CALN1: variants seen among roughly 807,000 people sequenced by gnomAD.
CALN1 encodes calcium-binding protein 8.
CALN1 carries 17 observed loss-of-function variants against 30.6 expected under a neutral mutation model. That is an observed-to-expected ratio of 0.56 (90% CI 0.38 to 0.83). The LOEUF (loss-of-function observed/expected upper bound fraction) is 0.83. Ranked by LOEUF, CALN1 falls within the 40% of genes least tolerant of loss-of-function variation. The pLI is 0.00. For missense variants in CALN1, 291 were observed against 354.9 expected (o/e 0.82, Z 1.45); for synonymous variants, 156 against 131.4 (o/e 1.19, Z -1.28).
intron 5 of CALN1, among the ~76,000 whole-genome samples, chr7:71,939,733 C>T (rs1340531007): frequency 2.0e-5 from 3 of 152,024 alleles, no homozygotes; most frequent in Non-Finnish European, 4.4e-5. Flanking sequence ...TCTGAGACAC[C>T]TCTTTATATC....
chr7:71,972,594 G>A (rs1242511624), intron 5 of CALN1, among the ~76,000 whole-genome samples: 1 of 152,156 alleles, frequency 6.6e-6, no homozygotes, highest in Admixed American at 6.5e-5. Context: ...AATGATGTCA[G>A]ACAAAGCTGT....
rs529900635 is a variant in CALN1, at chr7:71,946,246, A to G, written c.501+77411T>C. 2.6e-5 allele frequency among the ~76,000 whole-genome samples: 4 copies of G among 152,208 alleles called. No individual in the cohort carries two copies. The South Asian group carries it at 8.3e-4, about 32-fold the overall frequency. On this transcript the variant is annotated intron_variant, in intron 5 of 6. Transcript: ENST00000395275. ...AATCAGAATATCTTCATACATTTCT[A>G]TTTTTGTCTGTTTCCCAAGACCCTG...
At chr7:72,237,593 C>T (rs573230837) in intron 3 of CALN1, among the ~76,000 whole-genome samples, 1 of 152,310 alleles carries the variant, frequency 6.6e-6, no homozygotes, top group East Asian at 1.9e-4. Context: ...GTCTTCACTG[C>T]CTGTTAGAGC....
At chr7:72,290,783 C>A (rs1013199705) in intron 2 of CALN1, among the ~76,000 whole-genome samples, 5 of 152,108 alleles carry the variant, frequency 3.3e-5, no homozygotes, top group Non-Finnish European at 5.9e-5. Flanking sequence ...GGTGGTTGAA[C>A]CTGTCTACTG....
chr7:72,078,016 T>C (rs1804868124), intron 4 of CALN1, among the ~76,000 whole-genome samples: 1 of 152,208 alleles, frequency 6.6e-6, no homozygotes, highest in Non-Finnish European at 1.5e-5. Context: ...CACAGGTCTA[T>C]GTCTGGAAGG....
chr7:72,336,352 G>A (rs1802035826), intron 2 of CALN1, among the ~76,000 whole-genome samples: 1 of 152,120 alleles, frequency 6.6e-6, no homozygotes, highest in African/African-American at 2.4e-5. Context: ...CAGCCTGGTG[G>A]CCACTGGCGC....
At chr7:71,907,379 TGGG>T (rs1794198474) in intron 5 of CALN1, among the ~76,000 whole-genome samples, 1 of 151,960 alleles carries the variant, frequency 6.6e-6, no homozygotes, top group African/African-American at 2.4e-5. Context: ...AAGGACAAAT[TGGG>T]GGCCATGTGC....
chr7:71,972,177 A>ATC (rs1391621869), intron 5 of CALN1, among the ~76,000 whole-genome samples: 3 of 152,126 alleles, frequency 2.0e-5, no homozygotes, highest in Admixed American at 2.0e-4. Context: ...TTAAATTTGC[A>ATC]TCTCTCTCTG....
chr7:72,037,855 T>C (rs1562999160), intron 4 of CALN1, among the ~76,000 whole-genome samples: 1 of 152,244 alleles, frequency 6.6e-6, no homozygotes, highest in Non-Finnish European at 1.5e-5. Context: ...CCTGGGCCTG[T>C]GTAGTCACTT....
At chr7:72,113,777 ACTTTT>A (rs1807744039) in intron 3 of CALN1, among the ~76,000 whole-genome samples, 2 of 152,174 alleles carry the variant, frequency 1.3e-5, no homozygotes, top group African/African-American at 4.8e-5. Flanking sequence ...TATACTCCGG[ACTTTT>A]CTTTTTAAAG....
intron 3 of CALN1, among the ~76,000 whole-genome samples, chr7:72,260,368 T>C (rs1796184510): frequency 6.6e-6 from 1 of 152,168 alleles, no homozygotes; most frequent in African/African-American, 2.4e-5. Context: ...ATCTGTCTTC[T>C]CTCCAGAAAA....
At chr7:72,422,588 C>T (rs1291199755) in intron 1 of CALN1, among the ~76,000 whole-genome samples, 1 of 152,216 alleles carries the variant, frequency 6.6e-6, no homozygotes, top group Non-Finnish European at 1.5e-5. Context: ...TCGTCCTCCG[C>T]AAGTGCTTCC....
At chr7:72,413,675 A>C (rs1319358655), upstream of CALN1, among the ~76,000 whole-genome samples, 1 of 152,024 alleles carries the variant, frequency 6.6e-6, no homozygotes, top group Non-Finnish European at 1.5e-5. Context: ...ACACTCATAC[A>C]CATATACATT....
At chr7:71,936,399 C>CAAAA (rs745646988) in intron 5 of CALN1, among the ~76,000 whole-genome samples, 46 of 74,662 alleles carry the variant, frequency 6.2e-4, no homozygotes, top group African/African-American at 1.8e-3. Context: ...GACTCAGTCT[C>CAAAA]AAAAAAAAAA....
At chr7:72,341,065 G>A (rs1802359459) in intron 2 of CALN1, among the ~76,000 whole-genome samples, 1 of 152,168 alleles carries the variant, frequency 6.6e-6, no homozygotes, top group Non-Finnish European at 1.5e-5. Context: ...ATATTTACAG[G>A]GGTTTCCACA....
the CALN1 span, among the ~76,000 whole-genome samples, chr7:72,490,765 A>G: frequency 6.6e-6 from 1 of 152,126 alleles, no homozygotes; most frequent in Non-Finnish European, 1.5e-5. Flanking sequence ...TTCCACCATG[A>G]TTGTAAGCTT....
At chr7:72,331,390 A>G (rs1801667277) in intron 2 of CALN1, among the ~76,000 whole-genome samples, 1 of 152,124 alleles carries the variant, frequency 6.6e-6, no homozygotes, top group Admixed American at 6.5e-5. Flanking sequence ...AGGAGGAGGA[A>G]AACAGTCTCT....
chr7:71,812,693 T>C (rs944618431), intron 5 of CALN1, among the ~76,000 whole-genome samples: 18 of 152,106 alleles, frequency 1.2e-4, no homozygotes, highest in African/African-American at 4.3e-4. Context: ...TTTCTCGTAA[T>C]GATCTTGTTA....
At chr7:72,154,228 T>TAA (rs11386575) in intron 3 of CALN1, among the ~76,000 whole-genome samples, 44 of 145,338 alleles carry the variant, frequency 3.0e-4, no homozygotes, top group Middle Eastern at 3.5e-3. Context: ...GAAGTAAAAT[T>TAA]AAAAAAAAAA....
Sources: allele counts gnomAD v4.1 joint callset (sites outside exome capture counted in the v4.1 genomes callset), GRCh38; gene constraint gnomAD v4.1.1; transcripts MANE v1.5; gene names NCBI Gene and HGNC (gene_info 2026-07-23, HGNC 2026-07-21).